WAPL: variants seen among roughly 807,000 people sequenced by gnomAD.
WAPL encodes the protein wings apart-like protein homolog.
A neutral mutation model predicts 121.0 loss-of-function variants in WAPL; 5 were observed. That is an observed-to-expected ratio of 0.04 (90% CI 0.02 to 0.09). The LOEUF (loss-of-function observed/expected upper bound fraction) is 0.09. Among genes scored for constraint, WAPL ranks in the 10% least tolerant of loss-of-function variants. WAPL has a pLI of 1.00. For missense variants in WAPL, 999 were observed against 1,410.8 expected (o/e 0.71, Z 4.68); for synonymous variants, 480 against 481.5 (o/e 1.00, Z 0.04).
intron 3 of WAPL, 142 bp from the exon 4 acceptor site, chr10:86,497,461 T>A: frequency 1.5e-6 from 1 of 650,736 alleles, no homozygotes; most frequent in East Asian, 2.9e-5. Flanking sequence ...GCTGACAAAA[T>A]ACTCCCTAGA....
At chr10:86,440,339 A>C (rs536259116) in intron 17 of WAPL, among the ~76,000 whole-genome samples, 1 of 151,850 alleles carries the variant, frequency 6.6e-6, no homozygotes, top group Non-Finnish European at 1.5e-5. Flanking sequence ...CCAGGCTGGA[A>C]TGCAGTGGTG....
chr10:86,485,418 T>A (rs1316515325), intron 4 of WAPL, among the ~76,000 whole-genome samples: 1 of 151,980 alleles, frequency 6.6e-6, no homozygotes, highest in East Asian at 1.9e-4. Context: ...CCACCTGTAG[T>A]CCCAGCTACT....
intron 4 of WAPL, among the ~76,000 whole-genome samples, chr10:86,493,919 C>T (rs989279984): frequency 1.3e-5 from 2 of 152,200 alleles, no homozygotes; most frequent in African/African-American, 4.8e-5. Context: ...AGGAGAATCA[C>T]TTGCACCTGG....
intron 4 of WAPL, among the ~76,000 whole-genome samples, chr10:86,495,061 T>C (rs975053024): frequency 5.3e-5 from 8 of 152,226 alleles, no homozygotes; most frequent in African/African-American, 1.7e-4. Flanking sequence ...CACTCATTCT[T>C]TAGTTATTTA....
intron 4 of WAPL, among the ~76,000 whole-genome samples, chr10:86,480,340 A>T (rs867715482): frequency 7.9e-5 from 12 of 152,240 alleles, no homozygotes; most frequent in Admixed American, 2.0e-4. Context: ...CGGTTTTATT[A>T]AAAGTAGGTA....
intron 4 of WAPL, among the ~76,000 whole-genome samples, chr10:86,477,633 T>C (rs1009161711): frequency 2.6e-5 from 4 of 151,924 alleles, no homozygotes; most frequent in African/African-American, 9.7e-5. Context: ...TGAAATCCCA[T>C]CTCTACTAAA....
intron 4 of WAPL, among the ~76,000 whole-genome samples, chr10:86,487,416 ATCTT>A (rs1327753912): frequency 6.6e-6 from 1 of 152,132 alleles, no homozygotes; most frequent in Non-Finnish European, 1.5e-5. Flanking sequence ...ATCAAATCCT[ATCTT>A]TCTTTTTCTC....
intron 4 of WAPL, among the ~76,000 whole-genome samples, chr10:86,495,437 A>G (rs1462086310): frequency 6.6e-6 from 1 of 152,156 alleles, no homozygotes; most frequent in Non-Finnish European, 1.5e-5. Context: ...ACTGCATTCC[A>G]GCCTGGGTGA....
chr10:86,437,393 C>T lies in WAPL; in HGVS notation c.*150G>A, dbSNP rs980475652. On this transcript the variant is annotated 3_prime_UTR_variant, in exon 19 of 19. Transcript: ENST00000298767. ...CATTTAGCAAATGCCGAATGCATGA[C>T]GAAGAAATCAGGTGGCCTTAAAAAT... 14 of 682,240 alleles carry T rather than the reference C, an allele frequency of 2.1e-5. No homozygotes were observed. The Admixed American group carries it at 2.4e-4, about 12-fold the overall frequency. 42.3% of individuals were successfully genotyped at this position (682,240 alleles called of 1,614,324 possible). A position where few individuals can be genotyped will look rare whatever the true frequency, so the allele number is the denominator to read the frequency against.
At chr10:86,487,360 C>G (rs1236839105) in intron 4 of WAPL, among the ~76,000 whole-genome samples, 1 of 152,126 alleles carries the variant, frequency 6.6e-6, no homozygotes, top group African/African-American at 2.4e-5. Flanking sequence ...AAAACCTTAC[C>G]TAGAAACAAT....
At chr10:86,459,189 G>A in intron 11 of WAPL, 124 bp from the exon 12 acceptor site, 4 of 691,158 alleles carry the variant, frequency 5.8e-6, no homozygotes, top group Non-Finnish European at 6.9e-6. Flanking sequence ...TGTTACCAAA[G>A]GGAATAATTT....
chr10:86,519,010 A>G (rs1445509901), intron 1 of WAPL, among the ~76,000 whole-genome samples: 1 of 152,214 alleles, frequency 6.6e-6, no homozygotes, highest in Non-Finnish European at 1.5e-5. Context: ...TTCTGGGGCT[A>G]GTGAGCTCCA....
At position 86,436,891 on chromosome 10, in the gene WAPL, A is replaced by C. The variant is rs1052725979; in HGVS notation, c.*652T>G. 9 of 152,672 alleles carry C rather than the reference A, an allele frequency of 5.9e-5. No homozygotes were observed. The highest frequency in any genetic ancestry group is 2.4e-5 in the African/African-American group (1 of 41,462). 9.5% of individuals were successfully genotyped at this position (152,672 alleles called of 1,614,324 possible). The stretch of plus-strand genomic sequence containing the variant: ...TATGGTTGTGGTCTCAAAAGTAAAA[A>C]ATAGTTCAATAACCCAAACCTAATC... On this transcript the variant is annotated 3_prime_UTR_variant, in exon 19 of 19. Coordinates refer to ENST00000298767, the MANE Select transcript of WAPL (RefSeq NM_015045.5).
At chr10:86,463,905 C>T (rs138966043) in intron 9 of WAPL, among the ~76,000 whole-genome samples, 7 of 152,286 alleles carry the variant, frequency 4.6e-5, no homozygotes, top group Non-Finnish European at 7.4e-5. Context: ...AGGTTTGCAT[C>T]CTAAAAGCAA....
intron 4 of WAPL, among the ~76,000 whole-genome samples, chr10:86,495,167 T>C (rs1182643716): frequency 6.6e-6 from 1 of 152,148 alleles, no homozygotes; most frequent in Non-Finnish European, 1.5e-5. Flanking sequence ...AGGAATTTTT[T>C]ACAAAAAAGG....
chr10:86,502,987 G>GCCA (rs1178037373), intron 2 of WAPL, among the ~76,000 whole-genome samples: 3 of 151,532 alleles, frequency 2.0e-5, no homozygotes, highest in Non-Finnish European at 4.4e-5. Context: ...GTGAAACCCT[G>GCCA]TCTCTACTAA....
intron 9 of WAPL, among the ~76,000 whole-genome samples, chr10:86,463,214 C>A (rs1340402986): frequency 6.6e-6 from 1 of 152,188 alleles, no homozygotes; most frequent in Non-Finnish European, 1.5e-5. Context: ...TCACTTGAAC[C>A]CAGAAAGTGG....
intron 9 of WAPL, among the ~76,000 whole-genome samples, chr10:86,464,394 C>T (rs749907927): frequency 1.6e-4 from 24 of 151,920 alleles, no homozygotes; most frequent in Admixed American, 4.6e-4. Flanking sequence ...TAACAGCATA[C>T]CTGAAATGAA....
chr10:86,437,676 A>G (rs1849358332), intron 18 of WAPL, 68 bp from the exon 19 acceptor site: 1 of 1,509,702 alleles, frequency 6.6e-7, no homozygotes, highest in Admixed American at 1.8e-5. Context: ...AGTATAAATA[A>G]AAGTTTACCT....
Sources: allele counts gnomAD v4.1 joint callset (sites outside exome capture counted in the v4.1 genomes callset), GRCh38; gene constraint gnomAD v4.1.1; transcripts MANE v1.5; gene names NCBI Gene and HGNC (gene_info 2026-07-23, HGNC 2026-07-21).